GALNTL6: variants seen among roughly 807,000 people sequenced by gnomAD.
GALNTL6 encodes polypeptide N-acetylgalactosaminyltransferase like 6.
Under a neutral mutation model 73.7 loss-of-function variants are expected in GALNTL6, and 46 were observed. The ratio of observed to expected loss-of-function variants is 0.62; its 90% CI spans 0.49 to 0.80. GALNTL6 has a LOEUF of 0.80. Ranked by LOEUF, GALNTL6 falls within the 30% of genes least tolerant of loss-of-function variation. The pLI is 0.00. For synonymous variants in GALNTL6, 259 were observed against 263.7 expected (o/e 0.98, Z 0.17); for missense variants, 604 against 755.0 (o/e 0.80, Z 2.34).
intron 2 of GALNTL6, among the ~76,000 whole-genome samples, chr4:172,112,941 A>G (rs1391272529): frequency 1.3e-5 from 2 of 151,966 alleles, no homozygotes; most frequent in African/African-American, 4.8e-5. Context: ...TACCCAGCCT[A>G]CAGAAAAATG....
chr4:172,259,519 G>A (rs1372263725), intron 3 of GALNTL6, among the ~76,000 whole-genome samples: 10 of 150,036 alleles, frequency 6.7e-5, no homozygotes, highest in South Asian at 4.2e-4. Flanking sequence ...GTCCTTTGTC[G>A]GATGCACAGT....
chr4:172,996,262 G>A (rs767972912), intron 10 of GALNTL6, among the ~76,000 whole-genome samples: 7 of 152,020 alleles, frequency 4.6e-5, no homozygotes, highest in South Asian at 2.1e-4. Context: ...GCTGGAGGCC[G>A]TTATCCTTAG....
chr4:171,815,040 G>T, intron 2 of GALNTL6: 1 of 438,230 alleles, frequency 2.3e-6, no homozygotes, highest in Non-Finnish European at 4.0e-6. Context: ...AGGTGGGAGT[G>T]GGTTTGGTGC....
At chr4:172,880,900 T>C (rs973560270) in intron 7 of GALNTL6, among the ~76,000 whole-genome samples, 6 of 152,148 alleles carry the variant, frequency 3.9e-5, no homozygotes, top group African/African-American at 9.7e-5. Flanking sequence ...GAAAACAAGA[T>C]TATTGTGTTT....
At chr4:172,388,953 G>T (rs1188260924) in intron 5 of GALNTL6, among the ~76,000 whole-genome samples, 2 of 151,572 alleles carry the variant, frequency 1.3e-5, no homozygotes, top group African/African-American at 4.9e-5. Flanking sequence ...TATATTTTTG[G>T]TGAACTTTAT....
intron 2 of GALNTL6, among the ~76,000 whole-genome samples, chr4:171,965,526 G>A (rs28733914): frequency 0.025 from 3,852 of 151,920 alleles, 154 homozygotes; most frequent in African/African-American, 0.088. Context: ...CGAGGTGGTG[G>A]GCACCTGTAA....
chr4:172,454,509 T>C (rs1732321456), intron 5 of GALNTL6, among the ~76,000 whole-genome samples: 1 of 152,246 alleles, frequency 6.6e-6, no homozygotes, highest in Non-Finnish European at 1.5e-5. Flanking sequence ...TGCATCCTTC[T>C]GGGCTCTTGC....
chr4:173,024,642 C>T (rs1379697740), intron 12 of GALNTL6, among the ~76,000 whole-genome samples: 1 of 152,090 alleles, frequency 6.6e-6, no homozygotes, highest in Non-Finnish European at 1.5e-5. Context: ...GGGTCAATGG[C>T]GTGATCTCGG....
At chr4:172,137,001 C>A (rs1051735135) in intron 2 of GALNTL6, among the ~76,000 whole-genome samples, 3 of 152,024 alleles carry the variant, frequency 2.0e-5, no homozygotes, top group African/African-American at 7.2e-5. Context: ...AACTAACTCC[C>A]ATATACCCCT....
At chr4:172,960,554 G>T (rs1283862539) in intron 10 of GALNTL6, among the ~76,000 whole-genome samples, 2 of 152,108 alleles carry the variant, frequency 1.3e-5, no homozygotes, top group East Asian at 3.9e-4. Flanking sequence ...GGATTGAGGG[G>T]ACAGGCAGGA....
At chr4:172,645,452 C>T (rs1740199667) in intron 5 of GALNTL6, among the ~76,000 whole-genome samples, 1 of 151,864 alleles carries the variant, frequency 6.6e-6, no homozygotes, top group Admixed American at 6.6e-5. Context: ...AGAAGATTAT[C>T]CATGCCCCAC....
intron 5 of GALNTL6, among the ~76,000 whole-genome samples, chr4:172,482,572 C>T (rs1232755413): frequency 6.6e-6 from 1 of 152,202 alleles, no homozygotes; most frequent in African/African-American, 2.4e-5. Flanking sequence ...AGGAGAACAA[C>T]GCAAGTAAAA....
chr4:172,942,537 T>A (rs185301891), intron 9 of GALNTL6, among the ~76,000 whole-genome samples: 1 of 152,172 alleles, frequency 6.6e-6, no homozygotes, highest in African/African-American at 2.4e-5. Context: ...TGAGGCACCA[T>A]TGGCTTGATT....
chr4:171,953,115 A>G (rs1020544995), intron 2 of GALNTL6, among the ~76,000 whole-genome samples: 2 of 152,150 alleles, frequency 1.3e-5, no homozygotes, highest in Admixed American at 1.3e-4. Context: ...AAGGCAATGA[A>G]AAAAAGGGCT....
At chr4:172,000,117 T>C (rs1031733075) in intron 2 of GALNTL6, among the ~76,000 whole-genome samples, 1 of 152,116 alleles carries the variant, frequency 6.6e-6, no homozygotes, top group African/African-American at 2.4e-5. Flanking sequence ...TGAAACAATA[T>C]TCAGTGAGTT....
In GALNTL6 at chr4:172,789,815, T is replaced by C. The variant is rs565470367; in HGVS notation, c.554-19546T>C. 4.6e-5 allele frequency among the ~76,000 whole-genome samples: 7 copies of C among 152,132 alleles called. No individual in the cohort carries two copies. In the South Asian group the frequency reaches 1.5e-3, roughly 32 times the overall value. On this transcript the variant is annotated intron_variant, in intron 5 of 12. Transcript: ENST00000506823. ...GATTAGAGTCCTGCCTTGGGGCAGG[T>C]AAAAAGAGGATAGGAGAAAGATTCT...
At chr4:172,888,046 CTTG>C (rs748674977) in intron 8 of GALNTL6, among the ~76,000 whole-genome samples, 2 of 152,072 alleles carry the variant, frequency 1.3e-5, no homozygotes, top group African/African-American at 2.4e-5. Context: ...TTGTTTTTCA[CTTG>C]TTGATTCATT....
Position 172,454,851 on chromosome 4 carries a change from G to C in GALNTL6, c.553+106162G>C, listed in dbSNP as rs544392431. The stretch of plus-strand genomic sequence containing the variant: ...CTAGCTCCAAGTGACTTCACAATAA[G>C]CCAAATGAAAATAGGAAATCCTTTT... On this transcript the variant is annotated intron_variant, in intron 5 of 12. Transcript: ENST00000506823. Among the ~76,000 whole-genome samples, 59 of 152,258 alleles carry C rather than the reference G, an allele frequency of 3.9e-4. 1 individual carries two copies. The highest frequency in any genetic ancestry group is 1.3e-3 in the African/African-American group (55 of 41,546).
In GALNTL6 at chr4:172,970,777, G is replaced by T. The variant is rs143127500; in HGVS notation, c.1371+18519G>T. ...GATTAAGAGATTAAAGTAAAGACAG[G>T]CATAAGAAATTATAAGAGTATTATT... On this transcript the variant is annotated intron_variant, in intron 10 of 12. Coordinates refer to ENST00000506823, the MANE Select transcript of GALNTL6 (RefSeq NM_001034845.3). 3.9e-3 allele frequency among the ~76,000 whole-genome samples: 589 copies of T among 152,336 alleles called. 2 individuals carry two copies. The highest frequency in any genetic ancestry group is 0.01 in the Middle Eastern group (3 of 294).
Sources: allele counts gnomAD v4.1 joint callset (sites outside exome capture counted in the v4.1 genomes callset), GRCh38; gene constraint gnomAD v4.1.1; transcripts MANE v1.5; gene names NCBI Gene and HGNC (gene_info 2026-07-23, HGNC 2026-07-21).